The following NECTIN3 variants were observed in gnomAD, a reference collection of about 807,000 sequenced individuals.
NECTIN3 encodes nectin cell adhesion molecule 3, also known as nectin-3.
NECTIN3 carries 8 observed loss-of-function variants against 49.4 expected under a neutral mutation model. The observed-to-expected ratio is 0.16, with a 90% CI of 0.10 to 0.29. The LOEUF is 0.29. Ranked by LOEUF, NECTIN3 falls within the 10% of genes least tolerant of loss-of-function variation. The pLI, the probability that NECTIN3 is intolerant of heterozygous loss-of-function variation, is 1.00. For missense variants in NECTIN3, 581 were observed against 654.6 expected (o/e 0.89, Z 1.23); for synonymous variants, 277 against 241.1 (o/e 1.15, Z -1.38).
chr3:111,097,345 G>A (rs1004612443), intron 1 of NECTIN3, among the ~76,000 whole-genome samples: 2 of 152,152 alleles, frequency 1.3e-5, no homozygotes, highest in African/African-American at 4.8e-5. Flanking sequence ...GACTTTACAG[G>A]CTCATAGGCA....
At chr3:111,106,206 C>A (rs376655056) in intron 1 of NECTIN3, among the ~76,000 whole-genome samples, 1 of 152,092 alleles carries the variant, frequency 6.6e-6, no homozygotes, top group African/African-American at 2.4e-5. Flanking sequence ...TTGTCTGTTT[C>A]CTCATTAAAA....
In NECTIN3 at chr3:111,072,085, C is replaced by A; in HGVS notation, c.68C>A (p.Ser23Tyr). The change falls in exon 1 of 6, where the codon TCT (serine) becomes TAT (tyrosine). Residue 23 changes from serine (S) to tyrosine (Y), a missense_variant. Around this residue, in one of 3 missense-constraint regions of NECTIN3, gnomAD observed 109 missense variants for 69.1 expected, o/e 1.58. Transcript: ENST00000485303. ...GGCAAAGCACAACTTTCCTCCGCTT[C>A]TCTCCTCGGAGCCGGGCTCCTGCTG... ...GGGKAQLSSASLLGAGLLLQP... is the reference protein window; with the variant it reads ...GGGKAQLSSAYLLGAGLLLQP... 1.9e-6 allele frequency: 3 copies of A among 1,549,524 alleles called. No homozygotes were observed. The highest frequency in any genetic ancestry group is 2.6e-6 in the Non-Finnish European group (3 of 1,146,150).
In NECTIN3 at chr3:111,176,577, A is replaced by G. The variant is rs1046694151; in HGVS notation, c.1222-15774A>G. Among the ~76,000 whole-genome samples, 6 of 152,348 alleles carry G rather than the reference A, an allele frequency of 3.9e-5. No homozygotes were observed. The East Asian group carries it at 9.6e-4, about 24-fold the overall frequency. ...TCCTGAAAGTTAATATTAACTTTCC[A>G]TAGCAGACAGTTTCTCTTTGTATTT... On this transcript the variant is annotated intron_variant, in intron 7 of 8. Transcript: ENST00000493615.
chr3:111,142,537 A>G (rs2107505736), downstream of NECTIN3, among the ~76,000 whole-genome samples: 2 of 152,002 alleles, frequency 1.3e-5, no homozygotes, highest in Admixed American at 1.3e-4. Context: ...TGTAATTAAA[A>G]TGTTTAAGAA....
In NECTIN3 at chr3:111,118,248, CTATATATATATATATA is replaced by C. The variant is rs34878535; in HGVS notation, c.503-388_503-373del. 1.8e-3 allele frequency among the ~76,000 whole-genome samples: 140 copies of C among 78,002 alleles called. 5 individuals are homozygous for C. The highest frequency in any genetic ancestry group is 9.0e-4 in the Non-Finnish European group (35 of 38,788). The allele number at this position is 78,002 out of a possible 152,430, so 51.2% of individuals were successfully genotyped here. A position where few individuals can be genotyped will look rare whatever the true frequency, so the allele number is the denominator to read the frequency against. On this transcript the variant is annotated intron_variant, in intron 2 of 5. Coordinates refer to ENST00000485303, the MANE Select transcript of NECTIN3 (RefSeq NM_015480.3). ...AAAATTTTTTTACTGTAAAATGAAGCTATATATATATATATATATATATATATATATATATTATACA... is the reference window on the plus strand; with the variant it reads ...AAAATTTTTTTACTGTAAAATGAAGCTATATATATATATATATATTATACA...
chr3:111,087,912 T>G (rs1387579033), intron 1 of NECTIN3, among the ~76,000 whole-genome samples: 1 of 151,794 alleles, frequency 6.6e-6, no homozygotes, highest in Non-Finnish European at 1.5e-5. Flanking sequence ...TGGGCAGGCT[T>G]GTCTTGAACT....
At chr3:111,088,719 C>G (rs756352256) in intron 1 of NECTIN3, among the ~76,000 whole-genome samples, 1 of 152,056 alleles carries the variant, frequency 6.6e-6, no homozygotes, top group Non-Finnish European at 1.5e-5. Flanking sequence ...TTTATTATAT[C>G]ACTGGATTCT....
intron 1 of NECTIN3, among the ~76,000 whole-genome samples, chr3:111,097,149 C>T (rs962943207): frequency 1.3e-5 from 2 of 152,218 alleles, no homozygotes; most frequent in African/African-American, 4.8e-5. Context: ...TCTGTTGTAT[C>T]AGCGTGACCT....
intron 1 of NECTIN3, among the ~76,000 whole-genome samples, chr3:111,083,615 T>C (rs1207960942): frequency 6.6e-6 from 1 of 152,134 alleles, no homozygotes; most frequent in Non-Finnish European, 1.5e-5. Flanking sequence ...CCAGCTAGTC[T>C]ATGGTATTTT....
In NECTIN3 at chr3:111,136,384, G is replaced by A. The variant is rs1481990442; in HGVS notation, c.*2169G>A. ...TTTGTTTCTTTTGTGTTTGTTTGGC[G>A]GGAGAGGGTGACCTGGAAAGCCACA... On this transcript the variant is annotated 3_prime_UTR_variant, in exon 6 of 6. Coordinates refer to ENST00000485303, the MANE Select transcript of NECTIN3 (RefSeq NM_015480.3). 9 of 984,504 alleles carry A rather than the reference G, an allele frequency of 9.1e-6. No homozygotes were observed. The highest frequency in any genetic ancestry group is 7.2e-6 in the Non-Finnish European group (6 of 829,386). 61.0% of individuals were successfully genotyped at this position (984,504 alleles called of 1,614,324 possible). A position where few individuals can be genotyped will look rare whatever the true frequency, so the allele number is the denominator to read the frequency against.
At chr3:111,120,676 G>GTC (rs1158683626) in intron 3 of NECTIN3, among the ~76,000 whole-genome samples, 1 of 151,856 alleles carries the variant, frequency 6.6e-6, no homozygotes, top group Non-Finnish European at 1.5e-5. Context: ...GACTGATCTG[G>GTC]TCTCTCTCTC....
Position 111,134,307 on chromosome 3 carries a change from A to G in NECTIN3, c.*92A>G, listed in dbSNP as rs1223727814. The G allele has an allele frequency of 3.4e-6, 5 of 1,470,802 alleles. No homozygotes were observed. Among genetic ancestry groups the G allele is most frequent in the Non-Finnish European group, 2.7e-6 (3 of 1,114,580 alleles). 91.1% of individuals were successfully genotyped at this position (1,470,802 alleles called of 1,614,324 possible). A position where few individuals can be genotyped will look rare whatever the true frequency, so the allele number is the denominator to read the frequency against. On this transcript the variant is annotated 3_prime_UTR_variant, in exon 6 of 6. Transcript: ENST00000485303. ...TCATACTTTTTCTTGAGGAAGAATA[A>G]GCTTTTTCAAGTTGATTTTCAAGCT...
intron 5 of NECTIN3, among the ~76,000 whole-genome samples, chr3:111,131,632 G>C (rs2034394592): frequency 6.6e-6 from 1 of 151,884 alleles, no homozygotes; most frequent in Admixed American, 6.6e-5. Context: ...CTTTTGGTTA[G>C]ATTTTTCTCA....
At chr3:111,163,343 T>C (rs1007556482) in intron 7 of NECTIN3, among the ~76,000 whole-genome samples, 2 of 152,164 alleles carry the variant, frequency 1.3e-5, no homozygotes, top group Non-Finnish European at 2.9e-5. Context: ...CATACTTCAA[T>C]AGTTGAAGCA....
intron 7 of NECTIN3, among the ~76,000 whole-genome samples, chr3:111,187,332 G>A (rs1035213463): frequency 7.9e-5 from 12 of 152,160 alleles, no homozygotes; most frequent in South Asian, 2.1e-4. Flanking sequence ...GAACTCAGGC[G>A]TTTGAGACTG....
At chr3:111,186,751 T>C (rs1426434232) in intron 7 of NECTIN3, among the ~76,000 whole-genome samples, 2 of 152,190 alleles carry the variant, frequency 1.3e-5, no homozygotes, top group Non-Finnish European at 2.9e-5. Flanking sequence ...TCTGTGACTT[T>C]AGCAAATCAG....
chr3:111,081,979 T>A (rs2031636646), intron 1 of NECTIN3, among the ~76,000 whole-genome samples: 1 of 152,172 alleles, frequency 6.6e-6, no homozygotes, highest in African/African-American at 2.4e-5. Context: ...AAAAATATAT[T>A]GGAGCTATGA....
intron 4 of NECTIN3, among the ~76,000 whole-genome samples, chr3:111,124,444 G>C (rs2034078827): frequency 6.6e-6 from 1 of 151,924 alleles, no homozygotes; most frequent in African/African-American, 2.4e-5. Context: ...AGAATTAAAG[G>C]GATTAAAACT....
At chr3:111,153,855 A>C (rs2035045424) in intron 7 of NECTIN3, among the ~76,000 whole-genome samples, 1 of 152,056 alleles carries the variant, frequency 6.6e-6, no homozygotes, top group Non-Finnish European at 1.5e-5. Flanking sequence ...TATTTCTTGA[A>C]TATTTAATAT....
Sources: allele counts gnomAD v4.1 joint callset (sites outside exome capture counted in the v4.1 genomes callset), GRCh38; gene constraint gnomAD v4.1.1; regional missense constraint gnomAD v4.1.1; transcripts MANE v1.5; gene names NCBI Gene and HGNC (gene_info 2026-07-23, HGNC 2026-07-21).